The following CCDC60 variants were observed in gnomAD, a reference collection of about 807,000 sequenced individuals.
CCDC60 encodes coiled-coil domain-containing protein 60.
In CCDC60, 54 loss-of-function variants were observed where a neutral mutation model predicts 63.5. That is an observed-to-expected ratio of 0.85 (90% confidence interval 0.68 to 1.07). The LOEUF (loss-of-function observed/expected upper bound fraction) is 1.07. CCDC60 is among the 50% of genes least tolerant of loss of function. The pLI is 0.00. For synonymous variants in CCDC60, 206 were observed against 238.8 expected, an observed-to-expected ratio of 0.86 and a Z score of 1.27; for missense variants, 651 against 684.3, an observed-to-expected ratio of 0.95 and a Z score of 0.54.
intron 2 of CCDC60, among the ~76,000 whole-genome samples, chr12:119,469,515 C>A (rs1951016060): frequency 6.6e-6 from 1 of 152,270 alleles, no homozygotes. Flanking sequence ...CCGCCCCGGC[C>A]TCCCAAAGTG....
intron 1 of CCDC60, among the ~76,000 whole-genome samples, chr12:119,425,999 G>C (rs1956892609): frequency 6.6e-6 from 1 of 152,210 alleles, no homozygotes; most frequent in Admixed American, 6.5e-5. Context: ...AACAGATGTT[G>C]TATGTGTGAG....
chr12:119,415,296 T>C (rs1956679401), intron 1 of CCDC60, among the ~76,000 whole-genome samples: 1 of 152,306 alleles, frequency 6.6e-6, no homozygotes, highest in South Asian at 2.1e-4. Flanking sequence ...AGTGAACTGA[T>C]AGCACAAAAG....
intron 2 of CCDC60, chr12:119,448,047 G>C (rs936748764): frequency 6.6e-6 from 1 of 151,992 alleles, no homozygotes; most frequent in South Asian, 2.1e-4. Flanking sequence ...GTTTGTCAAG[G>C]GTACACATTT....
chr12:119,457,590 G>A (rs1027486554), intron 2 of CCDC60, among the ~76,000 whole-genome samples: 2 of 152,342 alleles, frequency 1.3e-5, no homozygotes, highest in South Asian at 2.1e-4. Flanking sequence ...TTTTGTGTAC[G>A]TAGTTGACCT....
intron 1 of CCDC60, among the ~76,000 whole-genome samples, chr12:119,357,481 T>A: frequency 6.6e-6 from 1 of 150,678 alleles, no homozygotes; most frequent in Non-Finnish European, 1.5e-5. Context: ...TGAGATGGAG[T>A]TTCACTCTTG....
At chr12:119,372,737 T>C (rs567962745) in intron 1 of CCDC60, among the ~76,000 whole-genome samples, 1 of 152,300 alleles carries the variant, frequency 6.6e-6, no homozygotes, top group African/African-American at 2.4e-5. Context: ...CTAGAGATGG[T>C]TGCATAACCC....
At chr12:119,477,470 A>G (rs898144819) in intron 3 of CCDC60, among the ~76,000 whole-genome samples, 1 of 152,198 alleles carries the variant, frequency 6.6e-6, no homozygotes, top group African/African-American at 2.4e-5. Flanking sequence ...GTTTGGTTGT[A>G]CCCATCTCCC....
intron 12 of CCDC60, among the ~76,000 whole-genome samples, chr12:119,529,747 C>A (rs568658946): frequency 6.6e-6 from 1 of 152,212 alleles, no homozygotes; most frequent in African/African-American, 2.4e-5. Context: ...GGGTCTTCTG[C>A]AAACCCTCTT....
chr12:119,506,438 CAAAAA>C (rs35584778), intron 7 of CCDC60, among the ~76,000 whole-genome samples: 98 of 87,396 alleles, frequency 1.1e-3, no homozygotes, highest in African/African-American at 3.9e-3. Flanking sequence ...CCTCATCTCT[CAAAAA>C]AAAAAAAAAA....
chr12:119,443,790 C>T (rs1488598962), intron 2 of CCDC60, among the ~76,000 whole-genome samples: 1 of 152,206 alleles, frequency 6.6e-6, no homozygotes, highest in Non-Finnish European at 1.5e-5. Context: ...TGAATCCTGG[C>T]TCTACCACCT....
chr12:119,414,040 A>G (rs74918958), intron 1 of CCDC60, among the ~76,000 whole-genome samples: 3,398 of 150,688 alleles, frequency 0.023, 133 homozygotes, highest in African/African-American at 0.079. Context: ...TTTTTTTTAG[A>G]TGGTATCTCA....
At chr12:119,478,781 A>T (rs1951235508) in intron 3 of CCDC60, among the ~76,000 whole-genome samples, 1 of 151,592 alleles carries the variant, frequency 6.6e-6, no homozygotes, top group African/African-American at 2.4e-5. Context: ...CTGTTTTTGT[A>T]TTTTTAGTAG....
At chr12:119,511,028 A>G (rs771456037) in intron 7 of CCDC60, among the ~76,000 whole-genome samples, 48 of 152,218 alleles carry the variant, frequency 3.2e-4, no homozygotes, top group Non-Finnish European at 6.2e-4. Context: ...GCTCCCCACA[A>G]GTGTGCAACA....
intron 9 of CCDC60, among the ~76,000 whole-genome samples, chr12:119,521,336 T>C (rs1198701387): frequency 6.6e-6 from 1 of 152,168 alleles, no homozygotes; most frequent in Non-Finnish European, 1.5e-5. Context: ...ATTCTACCCA[T>C]GCTCAAGAAT....
chr12:119,505,854 C>CAA (rs556823184), intron 7 of CCDC60, among the ~76,000 whole-genome samples: 1 of 151,656 alleles, frequency 6.6e-6, no homozygotes, highest in South Asian at 2.1e-4. Flanking sequence ...GACTCCATCT[C>CAA]AAAAAAAAGC....
chr12:119,516,836 C>A, intron 8 of CCDC60, 129 bp downstream of exon 8: 1 of 617,168 alleles, frequency 1.6e-6, no homozygotes, highest in Non-Finnish European at 2.9e-6. Flanking sequence ...TGTGTATCAC[C>A]TCTCTGAGTT....
chr12:119,470,670 CATGAG>C (rs1171687412), intron 2 of CCDC60, among the ~76,000 whole-genome samples: 1 of 152,136 alleles, frequency 6.6e-6, no homozygotes, highest in Non-Finnish European at 1.5e-5. Flanking sequence ...ACAAGAGAGA[CATGAG>C]AGGAGAGGAA....
intron 1 of CCDC60, chr12:119,388,194 C>A (rs998289929): frequency 2.0e-5 from 3 of 152,158 alleles, no homozygotes; most frequent in African/African-American, 7.2e-5. Flanking sequence ...GTGACATGTG[C>A]AGACATGCCT....
intron 11 of CCDC60, among the ~76,000 whole-genome samples, chr12:119,525,621 T>C (rs1952659558): frequency 6.6e-6 from 1 of 152,170 alleles, no homozygotes; most frequent in Non-Finnish European, 1.5e-5. Flanking sequence ...ACCACCAAAC[T>C]TGCCTTCCAA....
Sources: gnomAD v4.1 joint callset for allele counts (sites outside exome capture counted in the v4.1 genomes callset) on GRCh38, gnomAD v4.1.1 for gene constraint, MANE v1.5 for transcripts, NCBI Gene and HGNC (gene_info 2026-07-23, HGNC 2026-07-21) for gene names.